The following DMXL1 variants were observed in gnomAD, a reference collection of about 807,000 sequenced individuals.
The protein encoded by DMXL1 is dmX-like protein 1.
In DMXL1, 99 loss-of-function variants were observed where a neutral mutation model predicts 319.2. The ratio of observed to expected loss-of-function variants is 0.31; its 90% confidence interval spans 0.26 to 0.37. The LOEUF is 0.37. Among genes scored for constraint, DMXL1 ranks in the 10% least tolerant of loss-of-function variants. DMXL1 has a pLI of 1.00. For missense variants in DMXL1, 3,745 were observed against 3,595.6 expected (o/e 1.04, Z -1.06); for synonymous variants, 1,385 against 1,235.2 (o/e 1.12, Z -2.54).
chr5:119,202,891 ATATATATATATATATTTATATATTTT>A (rs1426832929), intron 32 of DMXL1, among the ~76,000 whole-genome samples: 1 of 139,956 alleles, frequency 7.1e-6, no homozygotes, highest in African/African-American at 2.8e-5. Context: ...ATTTTTATAT[ATATATATATATATATTTATATATTTT>A]TATATATATA....
intron 2 of DMXL1, among the ~76,000 whole-genome samples, chr5:119,100,390 C>T (rs1277391909): frequency 1.3e-5 from 2 of 150,442 alleles, no homozygotes; most frequent in African/African-American, 4.9e-5. Flanking sequence ...GAGCTGAGAT[C>T]GTGCCACTGC....
intron 1 of DMXL1, among the ~76,000 whole-genome samples, chr5:119,096,280 G>A (rs1016635767): frequency 1.3e-5 from 2 of 151,624 alleles, no homozygotes; most frequent in Admixed American, 6.6e-5. Context: ...GGGTTCAAGC[G>A]ATTCTCCTGC....
chr5:119,139,006 A>C (rs1766662628), intron 13 of DMXL1: 1 of 152,230 alleles, frequency 6.6e-6, no homozygotes, highest in South Asian at 2.1e-4. Flanking sequence ...TCCTTAAAGA[A>C]AAAAAAGTCT....
At chr5:119,104,649 T>G (rs1373617076) in intron 3 of DMXL1, among the ~76,000 whole-genome samples, 1 of 152,218 alleles carries the variant, frequency 6.6e-6, no homozygotes, top group East Asian at 1.9e-4. Flanking sequence ...TATTTGTATG[T>G]GTGTGTGTTC....
At chr5:119,239,348 G>C (rs1170334933) in intron 41 of DMXL1, among the ~76,000 whole-genome samples, 1 of 152,090 alleles carries the variant, frequency 6.6e-6, no homozygotes, top group East Asian at 1.9e-4. Flanking sequence ...CACTGAGTTT[G>C]CTTAGCTTAT....
intron 19 of DMXL1, among the ~76,000 whole-genome samples, chr5:119,159,546 C>T (rs959009382): frequency 6.6e-6 from 1 of 152,226 alleles, no homozygotes; most frequent in Non-Finnish European, 1.5e-5. Flanking sequence ...TGGCATATAT[C>T]TGCATATTAA....
intron 2 of DMXL1, among the ~76,000 whole-genome samples, chr5:119,099,642 A>G (rs11241484): frequency 6.6e-5 from 10 of 152,086 alleles, no homozygotes; most frequent in Admixed American, 3.3e-4. Flanking sequence ...TGTTAAAAAT[A>G]TAATTTAATA....
chr5:119,128,029 C>A, intron 9 of DMXL1: 1 of 420,376 alleles, frequency 2.4e-6, no homozygotes, highest in Non-Finnish European at 4.8e-6. Flanking sequence ...TATCATGATT[C>A]TCCATTTAGG....
intron 4 of DMXL1, among the ~76,000 whole-genome samples, chr5:119,108,037 G>T (rs999021784): frequency 6.6e-6 from 1 of 152,120 alleles, no homozygotes; most frequent in African/African-American, 2.4e-5. Flanking sequence ...CTGATCTAAA[G>T]TCTATGCCAG....
rs750218322 is a variant in DMXL1, at chr5:119,193,844, C to G, written c.7331C>G (p.Ser2444Cys). The G allele has an allele frequency of 1.2e-6, 2 of 1,612,382 alleles. No homozygotes were observed. Among genetic ancestry groups the G allele is most frequent in the African/African-American group, 2.7e-5 (2 of 74,828 alleles). Reference protein sequence around the residue: ...YFIAKPFLPSSQSRAEYDSEE... With the variant: ...YFIAKPFLPSCQSRAEYDSEE... ...TTATTTTAGCCTTTTCTACCCTCTTCTCAAAGTAGAGCCGAATATGATTCA... is the reference window on the plus strand; with the variant it reads ...TTATTTTAGCCTTTTCTACCCTCTTGTCAAAGTAGAGCCGAATATGATTCA... The change falls in exon 30 of 44, where the codon TCT (serine) becomes TGT (cysteine). Residue 2444 changes from serine (S) to cysteine (C), a missense_variant. Ser to Cys is a moderately radical substitution (Grantham distance 112). Coordinates refer to ENST00000539542, the MANE Select transcript of DMXL1 (RefSeq NM_001290321.3).
chr5:119,215,392 C>G (rs370094990), intron 34 of DMXL1, among the ~76,000 whole-genome samples: 1 of 152,262 alleles, frequency 6.6e-6, no homozygotes, highest in South Asian at 2.1e-4. Context: ...ACTGCAGTCT[C>G]TGCCTCCTGG....
Position 119,149,247 on chromosome 5 carries a change from T to G in DMXL1, c.3420T>G (p.Val1140=). The G allele has an allele frequency of 6.2e-7, 1 of 1,613,930 alleles. No homozygotes were observed. Among genetic ancestry groups the G allele is most frequent in the Non-Finnish European group, 8.5e-7 (1 of 1,179,882 alleles). Residue 1140 remains valine (V), a synonymous_variant, in exon 18 of 44, where the codon GTT becomes GTG. Transcript: ENST00000539542. ...ENITSNTKHL[V]HLDWMSREDG... ...TCACATCAAACACAAAGCATTTAGTTCACTTAGATTGGATGTCTAGAGAAG... is the reference window on the plus strand; with the variant it reads ...TCACATCAAACACAAAGCATTTAGTGCACTTAGATTGGATGTCTAGAGAAG...
intron 4 of DMXL1, among the ~76,000 whole-genome samples, chr5:119,107,256 G>A (rs537102116): frequency 3.7e-4 from 56 of 152,042 alleles, no homozygotes; most frequent in African/African-American, 1.3e-3. Flanking sequence ...TGGGAGGCTT[G>A]TTTGAGCCCA....
chr5:119,180,282 G>A (rs762277521), intron 28 of DMXL1, among the ~76,000 whole-genome samples: 5 of 152,138 alleles, frequency 3.3e-5, no homozygotes, highest in Non-Finnish European at 7.4e-5. Context: ...TGGCATCAGA[G>A]GGATAATTTG....
intron 39 of DMXL1, chr5:119,236,880 T>G (rs535023827): frequency 6.6e-6 from 1 of 152,208 alleles, no homozygotes; most frequent in Non-Finnish European, 1.5e-5. Context: ...CGGAATTATT[T>G]TACTTTGATA....
At chr5:119,228,689 C>T (rs1786070040) in intron 38 of DMXL1, among the ~76,000 whole-genome samples, 1 of 152,024 alleles carries the variant, frequency 6.6e-6, no homozygotes, top group Admixed American at 6.6e-5. Flanking sequence ...CCTTTGGAAA[C>T]TCGCAAAGTT....
intron 8 of DMXL1, 32 bp downstream of exon 8, chr5:119,119,036 GT>G: frequency 6.6e-7 from 1 of 1,505,164 alleles, no homozygotes; most frequent in Non-Finnish European, 9.0e-7. Context: ...CTTACTACAA[GT>G]TTTAAAACCT....
chr5:119,244,651 C>T (rs570839514), intron 43 of DMXL1, 75 bp downstream of exon 43: 34 of 1,026,536 alleles, frequency 3.3e-5, no homozygotes, highest in Non-Finnish European at 4.8e-5. Flanking sequence ...GTATTGATGA[C>T]ATCAATCTAT....
intron 8 of DMXL1, among the ~76,000 whole-genome samples, chr5:119,119,798 A>G (rs966014697): frequency 6.6e-5 from 10 of 152,120 alleles, no homozygotes; most frequent in African/African-American, 2.4e-4. Context: ...GGCATAAGCC[A>G]TGGCGCTCGG....
Sources: allele counts gnomAD v4.1 joint callset (sites outside exome capture counted in the v4.1 genomes callset), GRCh38; gene constraint gnomAD v4.1.1; transcripts MANE v1.5; gene names NCBI Gene and HGNC (gene_info 2026-07-23, HGNC 2026-07-21).